RBFOX3: variants seen among roughly 807,000 people sequenced by gnomAD.
RBFOX3 encodes RNA binding fox-1 homolog 3.
A neutral mutation model predicts 48.7 loss-of-function variants in RBFOX3; 17 were observed. The observed-to-expected ratio is 0.35, with a 90% CI of 0.24 to 0.52. The LOEUF (loss-of-function observed/expected upper bound fraction) is 0.52. RBFOX3 is among the 20% of genes least tolerant of loss of function. The pLI, the probability that RBFOX3 is intolerant of heterozygous loss-of-function variation, is 0.94. For synonymous variants in RBFOX3, 212 were observed against 209.5 expected (o/e 1.01, Z -0.10); for missense variants, 382 against 497.5 (o/e 0.77, Z 2.21).
At chr17:79,506,185 C>T (rs1402180641) in intron 1 of RBFOX3, among the ~76,000 whole-genome samples, 7 of 152,218 alleles carry the variant, frequency 4.6e-5, no homozygotes, top group African/African-American at 1.7e-4. Context: ...GGAATGCCCC[C>T]GGACATCTCC....
At chr17:79,603,345 C>A (rs1405515631) in intron 1 of RBFOX3, among the ~76,000 whole-genome samples, 1 of 152,148 alleles carries the variant, frequency 6.6e-6, no homozygotes, top group African/African-American at 2.4e-5. Context: ...GGAGAGCACA[C>A]CGGGCCCATT....
chr17:79,612,431 G>A (rs2093975942), upstream of RBFOX3, among the ~76,000 whole-genome samples: 1 of 152,230 alleles, frequency 6.6e-6, no homozygotes, highest in Admixed American at 6.5e-5. Context: ...AGGGGAGTAT[G>A]GATTTGGAGC....
At chr17:79,540,539 T>A (rs2089531241) in intron 1 of RBFOX3, among the ~76,000 whole-genome samples, 2 of 152,232 alleles carry the variant, frequency 1.3e-5, no homozygotes, top group South Asian at 4.1e-4. Flanking sequence ...GTCCTCCCAC[T>A]GCCAGGTGCT....
rs370274096 is a variant in RBFOX3 at position 79,476,814 on chromosome 17, C to G, written c.-175+5640G>C. ...TGCACACAATTCCTCAGTGGGGTGG[C>G]GGGGACAGAGAGAGACAGACAGAGA... On this transcript the variant is annotated intron_variant, in intron 2 of 14. Coordinates refer to ENST00000693108, the MANE Select transcript of RBFOX3 (RefSeq NM_001350451.2). Among the ~76,000 whole-genome samples, 223 of 145,656 alleles carry G rather than the reference C, an allele frequency of 1.5e-3. 1 individual carries two copies. The highest frequency in any genetic ancestry group is 9.3e-3 in the South Asian group (43 of 4,604).
chr17:79,356,370 T>TGTTTTTG (rs1258262683), intron 2 of RBFOX3, among the ~76,000 whole-genome samples: 3 of 124,182 alleles, frequency 2.4e-5, no homozygotes, highest in East Asian at 2.3e-4. Flanking sequence ...TTTTTTTTTT[T>TGTTTTTG]TTTTTTTTTT....
the RBFOX3 span, among the ~76,000 whole-genome samples, chr17:79,637,208 G>A: frequency 6.6e-6 from 1 of 151,992 alleles, no homozygotes. Flanking sequence ...CAGTAGTAGG[G>A]GACTTTAATA....
At chr17:79,634,185 C>T in the RBFOX3 span, among the ~76,000 whole-genome samples, 1 of 152,230 alleles carries the variant, frequency 6.6e-6, no homozygotes, top group Admixed American at 6.5e-5. Flanking sequence ...CACCCTCACA[C>T]TCTGCTTTCT....
the RBFOX3 span, among the ~76,000 whole-genome samples, chr17:79,640,854 G>A: frequency 6.6e-6 from 1 of 152,000 alleles, no homozygotes; most frequent in African/African-American, 2.4e-5. Context: ...AAAACTACTA[G>A]AAGAAAACAT....
intron 1 of RBFOX3, among the ~76,000 whole-genome samples, chr17:79,507,418 A>G (rs1048140766): frequency 0.034 from 5,174 of 152,198 alleles, 273 homozygotes; most frequent in African/African-American, 0.11. Context: ...GGGCGCCACA[A>G]TGGGGCTCCT....
At chr17:79,275,875 A>G (rs1189145960) in intron 3 of RBFOX3, among the ~76,000 whole-genome samples, 4 of 152,212 alleles carry the variant, frequency 2.6e-5, no homozygotes, top group African/African-American at 9.6e-5. Context: ...TCCGTGGTAT[A>G]TACCCAAGAG....
Position 79,261,135 on chromosome 17 carries a change from G to A in RBFOX3, c.-73-25330C>T, listed in dbSNP as rs1157487535. Reference sequence around the variant, plus strand: ...ACCCCTCCAGTTCCCACCCCACGGCGTTCGCTCCTCGAGCCCCCTACAAAC... The same window carrying A: ...ACCCCTCCAGTTCCCACCCCACGGCATTCGCTCCTCGAGCCCCCTACAAAC... On this transcript the variant is annotated intron_variant, in intron 3 of 14. Transcript: ENST00000693108. Among the ~76,000 whole-genome samples the A allele has an allele frequency of 5.9e-5, 9 of 151,950 alleles. No individual in the cohort carries two copies. The East Asian group carries it at 1.6e-3, about 26-fold the overall frequency.
At chr17:79,129,911 C>G (rs1440821282) in intron 4 of RBFOX3, among the ~76,000 whole-genome samples, 1 of 152,192 alleles carries the variant, frequency 6.6e-6, no homozygotes, top group Non-Finnish European at 1.5e-5. Context: ...CCAATTCACT[C>G]TCCTTGCCCC....
intron 5 of RBFOX3, among the ~76,000 whole-genome samples, chr17:79,115,061 G>A (rs113561244): frequency 0.017 from 2,539 of 152,328 alleles, 26 homozygotes; most frequent in Middle Eastern, 0.034. Context: ...GAGGCAGCTC[G>A]GAGGGCCCTG....
chr17:79,478,471 C>G (rs1305132071), intron 2 of RBFOX3, among the ~76,000 whole-genome samples: 1 of 152,354 alleles, frequency 6.6e-6, no homozygotes, highest in East Asian at 1.9e-4. Flanking sequence ...CCATCTCATG[C>G]TGTCTGCATC....
chr17:79,305,101 G>A (rs530011926), intron 3 of RBFOX3, among the ~76,000 whole-genome samples: 1 of 152,320 alleles, frequency 6.6e-6, no homozygotes, highest in African/African-American at 2.4e-5. Context: ...GGCCAGGGCA[G>A]GAAGCACAGC....
intron 4 of RBFOX3, among the ~76,000 whole-genome samples, chr17:79,194,913 T>TTTTGTTTGATTG (rs2055269156): frequency 1.3e-5 from 2 of 151,854 alleles, no homozygotes; most frequent in South Asian, 4.2e-4. Flanking sequence ...GTGCCCCCAG[T>TTTTGTTTGATTG]TTTGTTTGTT....
intron 2 of RBFOX3, among the ~76,000 whole-genome samples, chr17:79,372,121 G>A (rs543766777): frequency 2.0e-5 from 3 of 152,044 alleles, no homozygotes; most frequent in East Asian, 1.9e-4. Context: ...CTGTGGCCAC[G>A]GCAGCCCTCA....
At chr17:79,227,890 G>A (rs1023324499) in intron 4 of RBFOX3, among the ~76,000 whole-genome samples, 6 of 152,172 alleles carry the variant, frequency 3.9e-5, no homozygotes, top group Non-Finnish European at 8.8e-5. Context: ...TTGCTTAGTG[G>A]GGAGCAGATA....
In RBFOX3 at chr17:79,463,246, C is replaced by T. The variant is rs370419355; in HGVS notation, c.-175+19208G>A. 5.2e-5 allele frequency among the ~76,000 whole-genome samples: 7 copies of T among 133,640 alleles called. No homozygotes were observed. In the East Asian group the frequency reaches 9.3e-4, roughly 18 times the overall value. 87.7% of individuals were successfully genotyped at this position (133,640 alleles called of 152,430 possible). On this transcript the variant is annotated intron_variant, in intron 2 of 14. Coordinates refer to ENST00000693108, the MANE Select transcript of RBFOX3 (RefSeq NM_001350451.2). ...CCATCGCCACTGCCACTGCCATCGC[C>T]ACTGCCACCTCCACCATCGCCACTG...
Sources: gnomAD v4.1 joint callset for allele counts (sites outside exome capture counted in the v4.1 genomes callset) on GRCh38, gnomAD v4.1.1 for gene constraint, MANE v1.5 for transcripts, NCBI Gene and HGNC (gene_info 2026-07-23, HGNC 2026-07-21) for gene names.